PABIR3: variants seen among roughly 807,000 people sequenced by gnomAD.
PABIR3 encodes the protein PABIR family member 1.
Under a neutral mutation model 23.1 loss-of-function variants are expected in PABIR3, and 20 were observed. The ratio of observed to expected loss-of-function variants is 0.86; its 90% CI spans 0.61 to 1.26. PABIR3 has a LOEUF of 1.26. PABIR3 is among the 50% of genes most tolerant of loss of function. The probability of loss-of-function intolerance (pLI) is 0.00; values close to 1 mark genes in which losing one functional copy is unlikely to be tolerated. For missense variants in PABIR3, 189 were observed against 195.4 expected, an observed-to-expected ratio of 0.97 and a Z score of 0.20; for synonymous variants, 69 against 68.5, an observed-to-expected ratio of 1.01 and a Z score of -0.04.
chrX:134,837,334 A>C (rs1331649669), intron 4 of PABIR3, among the ~76,000 whole-genome samples: 4 of 110,691 alleles, frequency 3.6e-5, no homozygotes, highest in Non-Finnish European at 7.6e-5. Context: ...GGTGTGACAA[A>C]GTAAGACTCC....
At chrX:134,800,489 T>C (rs1259413723) in intron 1 of PABIR3, among the ~76,000 whole-genome samples, 1 of 110,666 alleles carries the variant, frequency 9.0e-6, no homozygotes, top group Non-Finnish European at 1.9e-5. Flanking sequence ...GGTAACCTCC[T>C]ATGTGAAATT....
chrX:134,846,645 G>A (rs1472845085), intron 6 of PABIR3, among the ~76,000 whole-genome samples: 3 of 111,923 alleles, frequency 2.7e-5, no homozygotes, highest in Admixed American at 1.9e-4. Context: ...TTTCCTTTGA[G>A]CCCTGAGTAC....
intron 2 of PABIR3, 60 bp from the exon 3 acceptor site, chrX:134,814,711 A>C: frequency 1.0e-6 from 1 of 978,522 alleles, no homozygotes; most frequent in Non-Finnish European, 1.4e-6. Context: ...CTCAAAAAAA[A>C]AAAAAAAAAG....
chrX:134,809,705 A>G (rs2080522060), intron 2 of PABIR3: 1 of 700,800 alleles, frequency 1.4e-6, no homozygotes, highest in African/African-American at 2.4e-5. Context: ...ATATGAGGAA[A>G]CTGAGGCCCA....
intron 9 of PABIR3, among the ~76,000 whole-genome samples, chrX:134,852,281 C>T (rs1220984379): frequency 9.0e-6 from 1 of 111,141 alleles, no homozygotes; most frequent in East Asian, 2.8e-4. Context: ...TTGAGACCAG[C>T]CTGGCCAACA....
chrX:134,840,051 G>T (rs1450167642), intron 4 of PABIR3, among the ~76,000 whole-genome samples: 1 of 112,154 alleles, frequency 8.9e-6, no homozygotes, highest in African/African-American at 3.3e-5. Context: ...GTAGATCTGT[G>T]ACCTTACCCC....
intron 3 of PABIR3, among the ~76,000 whole-genome samples, chrX:134,827,787 C>G (rs1465363595): frequency 9.1e-6 from 1 of 109,320 alleles, no homozygotes; most frequent in African/African-American, 3.3e-5. Context: ...GAAATGTCCT[C>G]CCTCCTCTTC....
intron 2 of PABIR3, among the ~76,000 whole-genome samples, chrX:134,814,235 C>T (rs1451637779): frequency 9.0e-6 from 1 of 111,469 alleles, no homozygotes; most frequent in African/African-American, 3.3e-5. Context: ...AAATTATATT[C>T]ATTCTCCGTA....
chrX:134,845,230 GA>G lies in PABIR3; in HGVS notation c.273del (p.Glu92LysfsTer14). Reference sequence around the variant, plus strand: ...GAAGAAGCCATGGATTTAATAAATAGAGAAACAATGTCTGAATGGTGAGTAC... The same window carrying G: ...GAAGAAGCCATGGATTTAATAAATAGGAAACAATGTCTGAATGGTGAGTAC... ...KQEEAMDLIN[R>X]ETMSEWKLQS... On this transcript the variant is annotated frameshift_variant, in exon 5 of 11. Transcript: ENST00000645433. LOFTEE classifies it high-confidence loss of function. 4.2e-6 allele frequency: 5 copies of G among 1,194,082 alleles called. No homozygotes were observed. The highest frequency in any genetic ancestry group is 5.6e-6 in the Non-Finnish European group (5 of 885,180).
intron 3 of PABIR3, chrX:134,822,373 T>C: frequency 4.0e-6 from 3 of 752,067 alleles, no homozygotes; most frequent in Non-Finnish European, 4.7e-6. Flanking sequence ...AATTAATTTC[T>C]CACATTATTA....
intron 4 of PABIR3, among the ~76,000 whole-genome samples, chrX:134,842,435 C>G (rs1027305658): frequency 9.1e-6 from 1 of 109,998 alleles, no homozygotes; most frequent in Non-Finnish European, 1.9e-5. Flanking sequence ...GGTGAAACCC[C>G]GTCTCTACTA....
At chrX:134,802,948 G>A (rs750730378), upstream of PABIR3, among the ~76,000 whole-genome samples, 5 of 112,646 alleles carry the variant, frequency 4.4e-5, no homozygotes, top group South Asian at 1.8e-3. Context: ...GCCCCGGCCA[G>A]GGACTTAAAA....
chrX:134,811,886 T>C (rs1370474189), intron 2 of PABIR3, among the ~76,000 whole-genome samples: 1 of 112,134 alleles, frequency 8.9e-6, no homozygotes, highest in Non-Finnish European at 1.9e-5. Flanking sequence ...AACTGAGGAG[T>C]TGCAACAGAT....
At chrX:134,828,041 C>CTATATATATATA (rs796193908) in intron 3 of PABIR3, among the ~76,000 whole-genome samples, 1 of 71,719 alleles carries the variant, frequency 1.4e-5, no homozygotes, top group East Asian at 4.0e-4. Context: ...CTCTCTCTCT[C>CTATATATATATA]TCTCTCTATA....
intron 3 of PABIR3, among the ~76,000 whole-genome samples, chrX:134,816,046 G>A (rs1312635181): frequency 8.9e-6 from 1 of 112,070 alleles, no homozygotes; most frequent in Admixed American, 9.5e-5. Context: ...CATCTCTTGG[G>A]ATGATCATGT....
chrX:134,852,333 G>C (rs1189703793), intron 9 of PABIR3, among the ~76,000 whole-genome samples: 11 of 110,901 alleles, frequency 9.9e-5, no homozygotes, highest in Non-Finnish European at 1.9e-4. Flanking sequence ...AAAATAGCTG[G>C]GCATGGTGGT....
At chrX:134,828,967 C>T (rs752453794) in intron 3 of PABIR3, among the ~76,000 whole-genome samples, 5 of 111,128 alleles carry the variant, frequency 4.5e-5, no homozygotes, top group Non-Finnish European at 7.5e-5. Context: ...CAAACAAAAT[C>T]CTCTATTGAT....
chrX:134,852,169 A>G (rs1400195284), intron 9 of PABIR3, among the ~76,000 whole-genome samples: 1 of 112,364 alleles, frequency 8.9e-6, no homozygotes. Flanking sequence ...GCCTTACTAC[A>G]TAGCTATATC....
At chrX:134,798,072 C>T (rs990041342) in intron 1 of PABIR3, among the ~76,000 whole-genome samples, 2 of 112,037 alleles carry the variant, frequency 1.8e-5, no homozygotes, top group African/African-American at 6.5e-5. Context: ...CCACCCGCCT[C>T]GGCCTCCCAA....
Sources: gnomAD v4.1 joint callset for allele counts (sites outside exome capture counted in the v4.1 genomes callset) on GRCh38, gnomAD v4.1.1 for gene constraint, MANE v1.5 for transcripts, NCBI Gene and HGNC (gene_info 2026-07-23, HGNC 2026-07-21) for gene names.